The following VAMP4 variants were observed in gnomAD, a reference collection of about 807,000 sequenced individuals.
VAMP4 encodes the protein vesicle-associated membrane protein 4.
Under a neutral mutation model 23.5 loss-of-function variants are expected in VAMP4, and 19 were observed. The observed-to-expected ratio is 0.81, with a 90% CI of 0.56 to 1.19. The LOEUF (loss-of-function observed/expected upper bound fraction) is 1.19, where lower values mean the gene tolerates loss of function less well. Among genes scored for constraint, VAMP4 ranks in the 50% most tolerant of loss-of-function variants. The pLI, the probability that VAMP4 is intolerant of heterozygous loss-of-function variation, is 0.00. For synonymous variants in VAMP4, 31 were observed against 51.0 expected, an observed-to-expected ratio of 0.61 and a Z score of 1.67; for missense variants, 145 against 168.6, an observed-to-expected ratio of 0.86 and a Z score of 0.78.
chr1:171,739,121 C>T (rs934662625), intron 1 of VAMP4, among the ~76,000 whole-genome samples: 6 of 152,104 alleles, frequency 3.9e-5, no homozygotes, highest in Non-Finnish European at 8.8e-5. Flanking sequence ...GGTAGCTTAG[C>T]CCCCAGATAG....
At position 171,716,748 on chromosome 1, in the gene VAMP4, C is replaced by T. The variant is rs114550823; in HGVS notation, c.164+2423G>A. On this transcript the variant is annotated intron_variant, in intron 4 of 7. Transcript: ENST00000236192. ...TGACCAGTGCTAGCAATTTTGGGTA[C>T]TAAAATAACGCCAGGGATTTGTCAT... Among the ~76,000 whole-genome samples, 528 of 152,280 alleles carry T rather than the reference C, an allele frequency of 3.5e-3. 1 individual carries two copies. Among genetic ancestry groups the T allele is most frequent in the Non-Finnish European group, 5.1e-3 (347 of 68,026 alleles).
chr1:171,717,161 TTC>T (rs1172083458), intron 4 of VAMP4, among the ~76,000 whole-genome samples: 2 of 152,128 alleles, frequency 1.3e-5, no homozygotes, highest in African/African-American at 4.8e-5. Context: ...AGGTTCACTC[TTC>T]AGAAGGATAT....
At chr1:171,710,853 T>C in intron 4 of VAMP4, 39 bp from the exon 5 acceptor site, 1 of 1,446,308 alleles carries the variant, frequency 6.9e-7, no homozygotes, top group Non-Finnish European at 9.5e-7. Context: ...ATCCTTCTTT[T>C]GAGAATGCTT....
At chr1:171,734,200 G>A (rs1387704945) in intron 2 of VAMP4, among the ~76,000 whole-genome samples, 1 of 150,864 alleles carries the variant, frequency 6.6e-6, no homozygotes, top group Non-Finnish European at 1.5e-5. Flanking sequence ...CCCAGGAGGT[G>A]GAGGTTGCAG....
At chr1:171,725,277 G>C (rs2124858347) in intron 3 of VAMP4, among the ~76,000 whole-genome samples, 1 of 152,206 alleles carries the variant, frequency 6.6e-6, no homozygotes, top group Middle Eastern at 3.4e-3. Context: ...AACTTTTTAA[G>C]GCTGAATAAA....
intron 3 of VAMP4, among the ~76,000 whole-genome samples, chr1:171,726,583 T>C (rs1655378663): frequency 6.6e-6 from 1 of 152,188 alleles, no homozygotes; most frequent in South Asian, 2.1e-4. Flanking sequence ...GATCTTTTTA[T>C]CAAATTACAA....
In VAMP4 at chr1:171,703,392, CGTGTGTGTGTGT is replaced by C. The variant is rs1176104533; in HGVS notation, c.*1102_*1113del. On this transcript the variant is annotated 3_prime_UTR_variant, in exon 8 of 8. Coordinates refer to ENST00000236192, the MANE Select transcript of VAMP4 (RefSeq NM_003762.5). Reference sequence around the variant, plus strand: ...CGACTGACTGATTATCATATGTGTGCGTGTGTGTGTGTGTGTGTGTGTGTGTTTGTGTGTATA... The same window carrying C: ...CGACTGACTGATTATCATATGTGTGCGTGTGTGTGTGTGTTTGTGTGTATA... 4.0e-3 allele frequency: 233 copies of C among 58,704 alleles called. 2 individuals carry two copies. The highest frequency in any genetic ancestry group is 0.035 in the East Asian group (61 of 1,748). The allele number at this position is 58,704 out of a possible 1,614,324, so 3.6% of individuals were successfully genotyped here. A position where few individuals can be genotyped will look rare whatever the true frequency, so the allele number is the denominator to read the frequency against.
rs1470954502 is a variant in VAMP4 at position 171,724,817 on chromosome 1, C to T, written c.113+3707G>A. Among the ~76,000 whole-genome samples the T allele has an allele frequency of 2.0e-5, 3 of 152,112 alleles. No homozygotes were observed. In the East Asian group the frequency reaches 5.8e-4, roughly 29 times the overall value. On this transcript the variant is annotated intron_variant, in intron 3 of 7. Coordinates refer to ENST00000236192, the MANE Select transcript of VAMP4 (RefSeq NM_003762.5). ...GGATATACACTACACTACCTCACAA[C>T]TTACTATAAAGTCGTAGTACTCAGG...
chr1:171,723,399 G>A (rs184301730), intron 3 of VAMP4, among the ~76,000 whole-genome samples: 91 of 151,210 alleles, frequency 6.0e-4, no homozygotes, highest in African/African-American at 1.9e-3. Context: ...TCCCTTATCT[G>A]CAACATATAA....
At chr1:171,718,926 C>A (rs1253823830) in intron 4 of VAMP4, among the ~76,000 whole-genome samples, 1 of 152,120 alleles carries the variant, frequency 6.6e-6, no homozygotes. Flanking sequence ...ACCAGACACT[C>A]AGCAGATATT....
At chr1:171,739,181 TG>T (rs2124873397) in intron 1 of VAMP4, among the ~76,000 whole-genome samples, 1 of 152,304 alleles carries the variant, frequency 6.6e-6, no homozygotes, top group African/African-American at 2.4e-5. Context: ...ATTAGAAGAC[TG>T]GGACTTTACA....
chr1:171,732,380 AAAT>A (rs1467272695), intron 2 of VAMP4, among the ~76,000 whole-genome samples: 1 of 151,310 alleles, frequency 6.6e-6, no homozygotes, highest in East Asian at 1.9e-4. Flanking sequence ...AAAAAAAAAA[AAAT>A]TTAATTAGCC....
intron 2 of VAMP4, among the ~76,000 whole-genome samples, chr1:171,731,275 G>A (rs1055960481): frequency 1.3e-5 from 2 of 152,094 alleles, no homozygotes; most frequent in Non-Finnish European, 2.9e-5. Flanking sequence ...GTGGGGTGGG[G>A]AGAAGGGGGA....
intron 3 of VAMP4, among the ~76,000 whole-genome samples, chr1:171,723,429 G>A (rs546546403): frequency 2.8e-4 from 43 of 152,228 alleles, no homozygotes; most frequent in African/African-American, 9.4e-4. Context: ...TCCCAGAGCA[G>A]CCATTTTAGA....
chr1:171,705,525 T>A (rs1017002630), intron 7 of VAMP4, among the ~76,000 whole-genome samples: 1 of 152,070 alleles, frequency 6.6e-6, no homozygotes, highest in African/African-American at 2.4e-5. Flanking sequence ...TTGGGGGACT[T>A]ACAATTTTTT....
intron 1 of VAMP4, among the ~76,000 whole-genome samples, chr1:171,739,057 C>T (rs1392659579): frequency 1.3e-5 from 2 of 152,190 alleles, no homozygotes; most frequent in African/African-American, 4.8e-5. Context: ...CATTTCCTGA[C>T]ATATCCTTGG....
intron 2 of VAMP4, among the ~76,000 whole-genome samples, chr1:171,729,928 A>G (rs1032114854): frequency 1.3e-5 from 2 of 152,178 alleles, no homozygotes; most frequent in East Asian, 3.9e-4. Flanking sequence ...TGAATTATTC[A>G]TATGGGCCCC....
chr1:171,711,597 C>G (rs1654851546), intron 4 of VAMP4, among the ~76,000 whole-genome samples: 1 of 152,166 alleles, frequency 6.6e-6, no homozygotes, highest in South Asian at 2.1e-4. Context: ...GCTATCTACT[C>G]TCATTCAGGA....
rs1034947398 is a variant in VAMP4, at chr1:171,700,981, GAAAA to G, written c.*3521_*3524del. The G allele has an allele frequency of 6.8e-6, 1 of 146,790 alleles. No homozygotes were observed. Among genetic ancestry groups the G allele is most frequent in the Non-Finnish European group, 1.5e-5 (1 of 66,428 alleles). 9.1% of individuals were successfully genotyped at this position (146,790 alleles called of 1,614,324 possible). On this transcript the variant is annotated 3_prime_UTR_variant, in exon 8 of 8. Coordinates refer to ENST00000236192, the MANE Select transcript of VAMP4 (RefSeq NM_003762.5). The stretch of plus-strand genomic sequence containing the variant: ...CCCTAATTCTACTTGGTTTCCAGAA[GAAAA>G]AAAAAATCAGAATAAGACTATCTCA...
Sources: allele counts gnomAD v4.1 joint callset (sites outside exome capture counted in the v4.1 genomes callset), GRCh38; gene constraint gnomAD v4.1.1; transcripts MANE v1.5; gene names NCBI Gene and HGNC (gene_info 2026-07-23, HGNC 2026-07-21).